Variants in GSTA3 observed in about 807,000 individuals in gnomAD.
GSTA3 encodes the protein glutathione S-transferase A3.
Under a neutral mutation model 23.1 loss-of-function variants are expected in GSTA3, and 16 were observed. The ratio of observed to expected loss-of-function variants is 0.69; its 90% CI spans 0.47 to 1.05. The LOEUF (loss-of-function observed/expected upper bound fraction) is 1.05, where lower values mean the gene tolerates loss of function less well. Ranked by LOEUF, GSTA3 falls within the 50% of genes least tolerant of loss-of-function variation. GSTA3 has a pLI of 0.00. For missense variants in GSTA3, 319 were observed against 263.6 expected (o/e 1.21, Z -1.46); for synonymous variants, 122 against 91.0 (o/e 1.34, Z -1.94).
chr6:52,905,744 A>G lies in GSTA3; in HGVS notation c.87+4T>C. The G allele has an allele frequency of 6.4e-7, 1 of 1,556,426 alleles. No homozygotes were observed. The highest frequency in any genetic ancestry group is 8.9e-7 in the Non-Finnish European group (1 of 1,129,764). ...AACTTAAGATGACCTAACTTAGAAC[A>G]TACCTCCACTCCAGCTGCAGCCAAG... On this transcript the variant is annotated splice_donor_region_variant and intron_variant, in intron 2 of 6. Coordinates refer to ENST00000211122, the MANE Select transcript of GSTA3 (RefSeq NM_000847.5).
At chr6:52,907,853 T>C (rs190572391) in intron 1 of GSTA3, among the ~76,000 whole-genome samples, 2,954 of 147,190 alleles carry the variant, frequency 0.02, 49 homozygotes, top group Middle Eastern at 0.05. Context: ...AGGGATAGCA[T>C]TGGGAGATAT....
At chr6:52,900,264 C>CTT (rs368457261) in intron 4 of GSTA3, among the ~76,000 whole-genome samples, 189 bp from the exon 5 acceptor site, 1,440 of 133,418 alleles carry the variant, frequency 0.011, 13 homozygotes, top group Middle Eastern at 0.019. Flanking sequence ...CTTTCTTTTT[C>CTT]TTTTTTTTTT....
intron 5 of GSTA3, 58 bp downstream of exon 5, chr6:52,899,876 C>A: frequency 1.3e-6 from 2 of 1,556,860 alleles, no homozygotes; most frequent in Non-Finnish European, 1.8e-6. Flanking sequence ...TGCCCAGCCA[C>A]TATTTTTCTA....
At position 52,903,509 on chromosome 6, in the gene GSTA3, A is replaced by C. The variant is rs140519818; in HGVS notation, c.139+167T>G. On this transcript the variant is annotated intron_variant, in intron 3 of 6. Transcript: ENST00000211122. Reference sequence around the variant, plus strand: ...CTACTCGGGAGGCTGAGGCAGGAGAATGGCATGAACCTGGGAGGCGGAGCT... The same window carrying C: ...CTACTCGGGAGGCTGAGGCAGGAGACTGGCATGAACCTGGGAGGCGGAGCT... Among the ~76,000 whole-genome samples, 371 of 151,786 alleles carry C rather than the reference A, an allele frequency of 2.4e-3. 3 individuals carry two copies. Among genetic ancestry groups the C allele is most frequent in the African/African-American group, 8.7e-3 (360 of 41,362 alleles).
intron 5 of GSTA3, 66 bp downstream of exon 5, chr6:52,899,868 C>T: frequency 1.3e-6 from 2 of 1,500,644 alleles, no homozygotes; most frequent in Non-Finnish European, 1.8e-6. Context: ...CCCAGGAATG[C>T]CCAGCCACTA....
At chr6:52,908,990 CA>C (rs764017644) in intron 1 of GSTA3, among the ~76,000 whole-genome samples, 2 of 151,906 alleles carry the variant, frequency 1.3e-5, no homozygotes, top group Non-Finnish European at 2.9e-5. Context: ...GCAAAGAGAA[CA>C]AAGAGAAGGA....
At chr6:52,903,654 G>T (rs45540839) in intron 3 of GSTA3, 22 bp downstream of exon 3, 2 of 1,346,976 alleles carry the variant, frequency 1.5e-6, no homozygotes, top group African/African-American at 1.4e-5. Context: ...CTCATCAGAG[G>T]CACTTAGAGA....
At chr6:52,904,251 A>G (rs1478986376) in intron 2 of GSTA3, among the ~76,000 whole-genome samples, 1 of 151,916 alleles carries the variant, frequency 6.6e-6, no homozygotes, top group Admixed American at 6.6e-5. Context: ...CGGCCTCCCA[A>G]AGTGCTGGGA....
intron 5 of GSTA3, among the ~76,000 whole-genome samples, chr6:52,899,296 C>G (rs1228050717): frequency 6.6e-6 from 1 of 152,094 alleles, no homozygotes; most frequent in Non-Finnish European, 1.5e-5. Flanking sequence ...TTTAGAACTC[C>G]TATCTAACAG....
intron 6 of GSTA3, 130 bp downstream of exon 6, chr6:52,897,695 T>C (rs1765503479): frequency 2.0e-6 from 2 of 993,182 alleles, no homozygotes; most frequent in Non-Finnish European, 3.1e-6. Flanking sequence ...GAAGCTCATT[T>C]TGGAGACCTG....
At chr6:52,906,655 G>A (rs1276874525) in intron 1 of GSTA3, among the ~76,000 whole-genome samples, 4 of 152,002 alleles carry the variant, frequency 2.6e-5, no homozygotes, top group African/African-American at 4.8e-5. Flanking sequence ...TAGAAATAAC[G>A]CCGCATATCT....
At chr6:52,906,833 A>G (rs958875304) in intron 1 of GSTA3, among the ~76,000 whole-genome samples, 5 of 151,226 alleles carry the variant, frequency 3.3e-5, no homozygotes, top group African/African-American at 1.2e-4. Flanking sequence ...TAAAGACTTA[A>G]ACGTTAGACC....
At chr6:52,900,596 A>C (rs1050667692) in intron 4 of GSTA3, among the ~76,000 whole-genome samples, 1 of 152,106 alleles carries the variant, frequency 6.6e-6, no homozygotes, top group Non-Finnish European at 1.5e-5. Flanking sequence ...ATCGAGGTAG[A>C]TATATCTCTA....
rs1192302778 is a variant in GSTA3, at chr6:52,905,936, G to A, written c.-21-81C>T. 63 of 632,000 alleles carry A rather than the reference G, an allele frequency of 1.0e-4. 2 individuals are homozygous for A. The Admixed American group carries it at 1.8e-3, about 18-fold the overall frequency. The allele number at this position is 632,000 out of a possible 1,614,324, so 39.1% of individuals were successfully genotyped here. A position where few individuals can be genotyped will look rare whatever the true frequency, so the allele number is the denominator to read the frequency against. Reference sequence around the variant, plus strand: ...AATGCACGCTAGTATATGAATGGTTGAACAACAGGAGTGTCTTCCTTCCTC... The same window carrying A: ...AATGCACGCTAGTATATGAATGGTTAAACAACAGGAGTGTCTTCCTTCCTC... On this transcript the variant is annotated intron_variant, in intron 1 of 6. Transcript: ENST00000211122.
At chr6:52,905,946 A>T (rs1409693829) in intron 1 of GSTA3, 91 bp from the exon 2 acceptor site, 1 of 589,382 alleles carries the variant, frequency 1.7e-6, no homozygotes, top group Non-Finnish European at 3.0e-6. Context: ...GAACAACAGG[A>T]GTGTCTTCCT....
Position 52,897,932 on chromosome 6 carries a change from AGTC to A in GSTA3, c.436_438del (p.Asp146del), listed in dbSNP as rs749023842. 14 of 1,613,982 alleles carry A rather than the reference AGTC, an allele frequency of 8.7e-6. No individual in the cohort carries two copies. The highest frequency in any genetic ancestry group is 1.2e-5 in the Non-Finnish European group (14 of 1,179,894). ...CGGCTCAGCTTGTTGCCAACAAGGT[AGTC>A]TTGTCCATGGCTCTGTAACACCTGG... On this transcript the variant is annotated inframe_deletion, in exon 6 of 7. Coordinates refer to ENST00000211122, the MANE Select transcript of GSTA3 (RefSeq NM_000847.5).
intron 1 of GSTA3, among the ~76,000 whole-genome samples, chr6:52,907,819 T>A (rs1375110321): frequency 4.3e-5 from 4 of 92,284 alleles, no homozygotes; most frequent in Non-Finnish European, 8.5e-5. Context: ...CTCTGGGGAC[T>A]GTTGTGGGGT....
At position 52,903,664 on chromosome 6, in the gene GSTA3, A is replaced by C. The variant is rs1333067553; in HGVS notation, c.139+12T>G. 48 of 1,461,404 alleles carry C rather than the reference A, an allele frequency of 3.3e-5. No individual in the cohort carries two copies. The highest frequency in any genetic ancestry group is 3.9e-5 in the Non-Finnish European group (41 of 1,042,260). The allele number at this position is 1,461,404 out of a possible 1,614,324, so 90.5% of individuals were successfully genotyped here. On this transcript the variant is annotated intron_variant, in intron 3 of 6. Coordinates refer to ENST00000211122, the MANE Select transcript of GSTA3 (RefSeq NM_000847.5). Reference sequence around the variant, plus strand: ...ATACCCTCATCAGAGGCACTTAGAGACTTGATCTTACCATTTCTTAACTTT... The same window carrying C: ...ATACCCTCATCAGAGGCACTTAGAGCCTTGATCTTACCATTTCTTAACTTT...
At chr6:52,907,822 T>C (rs1413199317) in intron 1 of GSTA3, among the ~76,000 whole-genome samples, 3 of 70,618 alleles carry the variant, frequency 4.2e-5, no homozygotes, top group Non-Finnish European at 8.4e-5. Flanking sequence ...TGGGGACTGT[T>C]GTGGGGTGGG....
Sources: gnomAD v4.1 joint callset for allele counts (sites outside exome capture counted in the v4.1 genomes callset) on GRCh38, gnomAD v4.1.1 for gene constraint, MANE v1.5 for transcripts, NCBI Gene and HGNC (gene_info 2026-07-23, HGNC 2026-07-21) for gene names.